The following SMARCA2 variants were observed in gnomAD, a reference collection of about 807,000 sequenced individuals.
SMARCA2 encodes the protein SWI/SNF related BAF chromatin remodeling complex subunit ATPase 2, also known as SWI/SNF-related matrix-associated actin-dependent regulator of chromatin subfamily A member 2.
In SMARCA2, 61 loss-of-function variants were observed where a neutral mutation model predicts 199.8. The observed-to-expected ratio is 0.31, with a 90% confidence interval of 0.25 to 0.38. The LOEUF (loss-of-function observed/expected upper bound fraction) is 0.38. SMARCA2 is among the 10% of genes least tolerant of loss of function. The probability of loss-of-function intolerance (pLI) is 1.00; values close to 1 mark genes in which losing one functional copy is unlikely to be tolerated. For missense variants in SMARCA2, 1,344 were observed against 2,012.2 expected, an observed-to-expected ratio of 0.67 and a Z score of 6.35; for synonymous variants, 935 against 732.0, an observed-to-expected ratio of 1.28 and a Z score of -4.48.
chr9:2,153,265 G>C (rs907741460), intron 27 of SMARCA2, among the ~76,000 whole-genome samples: 1 of 152,220 alleles, frequency 6.6e-6, no homozygotes, highest in African/African-American at 2.4e-5. Flanking sequence ...GGCCAGATGT[G>C]ATTGCTTGCT....
At chr9:2,180,077 C>T (rs1337206978) in intron 29 of SMARCA2, among the ~76,000 whole-genome samples, 1 of 152,144 alleles carries the variant, frequency 6.6e-6, no homozygotes, top group Non-Finnish European at 1.5e-5. Context: ...GAACGCATTT[C>T]TCGAAGAGAT....
chr9:2,184,353 C>T (rs868637150), intron 31 of SMARCA2, among the ~76,000 whole-genome samples: 4 of 129,422 alleles, frequency 3.1e-5, no homozygotes, highest in East Asian at 2.2e-4. Context: ...AGGATAATAT[C>T]TTTTTTTTTT....
rs1339118310 is a variant in SMARCA2, at chr9:2,047,311, C to T, written c.873C>T (p.Pro291=). ...PAPGGRPSPA[P]PAAAQPPAAA... ...CCGGCGGCCGGCCCTCGCCCGCGCC[C>T]CCCGCAGCCGCGCAGCCGCCCGCGG... Residue 291 remains proline, a synonymous_variant, in exon 5 of 34, where the codon CCC becomes CCT. Transcript: ENST00000349721. 5 of 1,018,640 alleles carry T rather than the reference C, an allele frequency of 4.9e-6. No homozygotes were observed. In the East Asian group the frequency reaches 4.6e-4, roughly 93 times the overall value. The allele number at this position is 1,018,640 out of a possible 1,614,324, so 63.1% of individuals were successfully genotyped here.
chr9:2,071,201 T>G (rs898746804), intron 10 of SMARCA2, among the ~76,000 whole-genome samples: 1 of 152,164 alleles, frequency 6.6e-6, no homozygotes, highest in African/African-American at 2.4e-5. Flanking sequence ...CCCATTCTGG[T>G]ATCACTCTGC....
At chr9:2,095,286 A>G (rs1224039654) in intron 19 of SMARCA2, among the ~76,000 whole-genome samples, 1 of 151,926 alleles carries the variant, frequency 6.6e-6, no homozygotes, top group Non-Finnish European at 1.5e-5. Context: ...GGGTTTCATT[A>G]TGTTGGTCAG....
chr9:2,064,951 G>A (rs1225571401), intron 9 of SMARCA2, among the ~76,000 whole-genome samples: 1 of 152,210 alleles, frequency 6.6e-6, no homozygotes, highest in African/African-American at 2.4e-5. Flanking sequence ...TTGGGAGGCC[G>A]AGGCGGGCGG....
At chr9:2,107,138 T>A (rs1369742566) in intron 23 of SMARCA2, among the ~76,000 whole-genome samples, 1 of 143,648 alleles carries the variant, frequency 7.0e-6, no homozygotes, top group East Asian at 1.9e-4. Context: ...ATTAAAAAAA[T>A]ATTTGTTAAA....
intron 24 of SMARCA2, among the ~76,000 whole-genome samples, chr9:2,114,057 C>T (rs1372642660): frequency 1.3e-5 from 2 of 152,152 alleles, no homozygotes; most frequent in South Asian, 2.1e-4. Context: ...GCCTCTGTTC[C>T]AGGAGATAGT....
At position 2,077,875 on chromosome 9, in the gene SMARCA2, T is replaced by C. The variant is rs3765579; in HGVS notation, c.2184+99T>C. 389,814 of 1,090,672 alleles carry C rather than the reference T, an allele frequency of 0.36. 75,502 individuals are homozygous for C. The highest frequency in any genetic ancestry group is 0.72 in the African/African-American group (45,910 of 63,482). 67.6% of individuals were successfully genotyped at this position (1,090,672 alleles called of 1,614,324 possible). A position where few individuals can be genotyped will look rare whatever the true frequency, so the allele number is the denominator to read the frequency against. On this transcript the variant is annotated intron_variant, in intron 14 of 33. Coordinates refer to ENST00000349721, the MANE Select transcript of SMARCA2 (RefSeq NM_003070.5). ...CATGTTGACTAAGGGCTTTTGATGA[T>C]ATTTTAGGCCACATCACTTATAATA...
At chr9:2,191,791 G>C (rs1827904360) in intron 33 of SMARCA2, 1 of 158,880 alleles carries the variant, frequency 6.3e-6, no homozygotes, top group Non-Finnish European at 1.4e-5. Context: ...GAGAAAAACT[G>C]TTATGACGTC....
In SMARCA2 at chr9:2,161,881, A is replaced by C; in HGVS notation, c.4177A>C (p.Thr1393Pro). The C allele has an allele frequency of 6.2e-7, 1 of 1,613,894 alleles. No homozygotes were observed. Residue 1393 changes from threonine to proline, a missense_variant, in exon 28 of 34, where the codon ACT (threonine) becomes CCT (proline). Around this residue, in one of 18 missense-constraint regions of SMARCA2, gnomAD observed 151 missense variants for 154.0 expected, o/e 0.98. Transcript: ENST00000349721. This position sits in a 1 kb window ranked among gnomAD's most constrained non-coding sequence, Gnocchi z 4.7. ...AAAGCAGATGAACGCTATCATCGAT[A>C]CTGTGATAAACTACAAAGATAGGTG... ...LTKQMNAIID[T>P]VINYKDRCNV...
chr9:2,148,880 G>C (rs549041669), intron 27 of SMARCA2, among the ~76,000 whole-genome samples: 1 of 151,518 alleles, frequency 6.6e-6, no homozygotes, highest in South Asian at 2.1e-4. Context: ...ATCCTTGACT[G>C]TGCTTCAGTT....
At chr9:2,099,976 A>G (rs566414014) in intron 21 of SMARCA2, among the ~76,000 whole-genome samples, 1 of 152,306 alleles carries the variant, frequency 6.6e-6, no homozygotes, top group Admixed American at 6.5e-5. Flanking sequence ...TATTGGCCAC[A>G]GTCCATCCTG....
chr9:2,141,106 C>G (rs567952827), intron 27 of SMARCA2, among the ~76,000 whole-genome samples: 1 of 152,136 alleles, frequency 6.6e-6, no homozygotes, highest in South Asian at 2.1e-4. Flanking sequence ...CCATTCCTCT[C>G]CCCAGGGGAG....
intron 14 of SMARCA2, among the ~76,000 whole-genome samples, 153 bp downstream of exon 14, chr9:2,077,929 T>G (rs892184053): frequency 2.0e-5 from 3 of 152,216 alleles, no homozygotes; most frequent in Admixed American, 6.5e-5. Flanking sequence ...TGCCTATGAT[T>G]CTTCTTTTAG....
rs1823163683 is a variant in SMARCA2, at chr9:2,115,178, G to A, written c.3457-644G>A. 1.3e-5 allele frequency among the ~76,000 whole-genome samples: 2 copies of A among 152,118 alleles called. No individual in the cohort carries two copies. The stretch of plus-strand genomic sequence containing the variant: ...GTAATATTTCTAAGTCGGAGACATA[G>A]ACAGTTTTAACACTTCTAATAGGTA... On this transcript the variant is annotated intron_variant, in intron 24 of 33. Coordinates refer to ENST00000349721, the MANE Select transcript of SMARCA2 (RefSeq NM_003070.5). The surrounding 1 kb of genome is among the most constrained non-coding windows in gnomAD (Gnocchi z 6.0).
intron 29 of SMARCA2, among the ~76,000 whole-genome samples, chr9:2,173,605 G>C (rs1368275554): frequency 1.3e-5 from 2 of 152,170 alleles, no homozygotes; most frequent in East Asian, 3.8e-4. Flanking sequence ...ATCGTGTAGA[G>C]TAGCAGCCTC....
In SMARCA2 at chr9:2,079,141, G is replaced by A. The variant is rs554206459; in HGVS notation, c.2184+1365G>A. Among the ~76,000 whole-genome samples the A allele has an allele frequency of 2.6e-5, 4 of 152,204 alleles. No homozygotes were observed. In the South Asian group the frequency reaches 8.3e-4, roughly 32 times the overall value. On this transcript the variant is annotated intron_variant, in intron 14 of 33. Transcript: ENST00000349721. ...ACAACAACCAGATACGGTCACTCTG[G>A]CAGTGACCCCTCTTGTTAATTCACA... is the stretch of plus-strand genomic sequence containing the variant.
In SMARCA2 at chr9:2,105,736, CA is replaced by C. The variant is rs1822725207; in HGVS notation, c.3292+1571del. Reference sequence around the variant, plus strand: ...AGTGGAAAATTCGGCACTCTTCTTTCAAAAGACAAACTGTCCTTTACCTGCT... The same window carrying C: ...AGTGGAAAATTCGGCACTCTTCTTTCAAAGACAAACTGTCCTTTACCTGCT... On this transcript the variant is annotated intron_variant, in intron 23 of 33. Coordinates refer to ENST00000349721, the MANE Select transcript of SMARCA2 (RefSeq NM_003070.5). 1.1e-4 allele frequency among the ~76,000 whole-genome samples: 16 copies of C among 152,324 alleles called. No individual in the cohort carries two copies. In the South Asian group the frequency reaches 3.3e-3, roughly 32 times the overall value.
Sources: allele counts gnomAD v4.1 joint callset (sites outside exome capture counted in the v4.1 genomes callset), GRCh38; gene constraint gnomAD v4.1.1; regional missense constraint gnomAD v4.1.1; non-coding constraint Gnocchi (gnomAD v3.1); transcripts MANE v1.5; gene names NCBI Gene and HGNC (gene_info 2026-07-23, HGNC 2026-07-21).